CENPP: variants seen among roughly 807,000 people sequenced by gnomAD.
The protein encoded by CENPP is centromere protein P.
CENPP carries 24 observed loss-of-function variants against 35.6 expected under a neutral mutation model. The observed-to-expected ratio is 0.67, with a 90% confidence interval of 0.49 to 0.95. The LOEUF is 0.95. Ranked by LOEUF, CENPP falls within the 40% of genes least tolerant of loss-of-function variation. CENPP has a pLI of 0.00. For synonymous variants in CENPP, 120 were observed against 125.5 expected (o/e 0.96, Z 0.29); for missense variants, 332 against 345.3 (o/e 0.96, Z 0.31).
chr9:92,497,778 G>A (rs1846435252), intron 5 of CENPP, among the ~76,000 whole-genome samples: 2 of 151,472 alleles, frequency 1.3e-5, no homozygotes, highest in South Asian at 4.2e-4. Flanking sequence ...TTTGGGTCAT[G>A]GGGGGCAAGT....
At chr9:92,611,423 A>G in intron 6 of CENPP, 30 bp downstream of exon 6, 2 of 1,572,100 alleles carry the variant, frequency 1.3e-6, no homozygotes, top group Non-Finnish European at 1.7e-6. Context: ...GGGGCCTCCC[A>G]TTTCCTGTTC....
At chr9:92,491,899 A>G (rs542101724) in intron 5 of CENPP, among the ~76,000 whole-genome samples, 1 of 152,136 alleles carries the variant, frequency 6.6e-6, no homozygotes, top group African/African-American at 2.4e-5. Context: ...AATCTGGTCT[A>G]ATTCCTGGCC....
chr9:92,360,593 A>G (rs560665897), intron 4 of CENPP, among the ~76,000 whole-genome samples: 6 of 152,320 alleles, frequency 3.9e-5, no homozygotes, highest in African/African-American at 1.4e-4. Flanking sequence ...ATAAAACTCC[A>G]TTAGATAACA....
intron 5 of CENPP, among the ~76,000 whole-genome samples, chr9:92,466,097 T>C (rs1845300428): frequency 6.6e-6 from 1 of 152,094 alleles, no homozygotes; most frequent in Non-Finnish European, 1.5e-5. Context: ...CCTCCCAAAG[T>C]GTTGGGATTA....
In CENPP at chr9:92,404,570, A is replaced by T. The variant is rs1489401655; in HGVS notation, c.564+24711A>T. ...TGTCTGTGCATTAGCCCCAAGTGGG[A>T]GGGTGAATGAGAAAAGCTATGTCTT... On this transcript the variant is annotated intron_variant, in intron 5 of 7. Coordinates refer to ENST00000375587, the MANE Select transcript of CENPP (RefSeq NM_001012267.3). 4.4e-5 allele frequency: 57 copies of T among 1,293,356 alleles called. No homozygotes were observed. In the Admixed American group the frequency reaches 1.4e-3, roughly 31 times the overall value. 80.1% of individuals were successfully genotyped at this position (1,293,356 alleles called of 1,614,324 possible). A position where few individuals can be genotyped will look rare whatever the true frequency, so the allele number is the denominator to read the frequency against.
intron 5 of CENPP, among the ~76,000 whole-genome samples, chr9:92,500,465 G>C (rs60863225): frequency 0.02 from 3,086 of 151,262 alleles, 109 homozygotes; most frequent in African/African-American, 0.07. Flanking sequence ...TTACAGGCGT[G>C]AGCCACTGCA....
intron 3 of CENPP, chr9:92,341,503 C>T (rs1230629535): frequency 6.6e-6 from 1 of 152,152 alleles, no homozygotes; most frequent in Non-Finnish European, 1.5e-5. Context: ...TGTACTCTGT[C>T]CCTTTATTTC....
intron 5 of CENPP, among the ~76,000 whole-genome samples, chr9:92,498,157 A>G (rs890146264): frequency 3.9e-5 from 6 of 152,212 alleles, no homozygotes; most frequent in Non-Finnish European, 8.8e-5. Context: ...CTTTTGTGTA[A>G]TAATTTGTAT....
chr9:92,433,810 T>C (rs994818601), intron 5 of CENPP, among the ~76,000 whole-genome samples: 7 of 152,008 alleles, frequency 4.6e-5, no homozygotes, highest in African/African-American at 1.7e-4. Context: ...TGCTTGCCTG[T>C]AATCCCAGCT....
In CENPP at chr9:92,618,349, C is replaced by T. The variant is rs1410090381; in HGVS notation, c.*5200C>T. The T allele has an allele frequency of 2.2e-5, 10 of 456,568 alleles. No individual in the cohort carries two copies. Among genetic ancestry groups the T allele is most frequent in the East Asian group, 2.1e-4 (3 of 14,398 alleles). 28.3% of individuals were successfully genotyped at this position (456,568 alleles called of 1,614,324 possible). On this transcript the variant is annotated 3_prime_UTR_variant, in exon 8 of 8. Coordinates refer to ENST00000375587, the MANE Select transcript of CENPP (RefSeq NM_001012267.3). ...TGCTGAGCAGCTGGTCGTAAGGACC[C>T]GGGCCTTCAGCTTTCCCCGCATGCT... is the stretch of plus-strand genomic sequence containing the variant.
chr9:92,530,463 T>C (rs767516806), intron 5 of CENPP, among the ~76,000 whole-genome samples: 17 of 152,224 alleles, frequency 1.1e-4, no homozygotes, highest in Non-Finnish European at 2.1e-4. Flanking sequence ...AAGTAATTAA[T>C]ATTTTTTAAT....
chr9:92,450,665 C>T (rs535627067), intron 5 of CENPP, among the ~76,000 whole-genome samples: 40 of 152,200 alleles, frequency 2.6e-4, no homozygotes, highest in Admixed American at 5.9e-4. Context: ...TCTGGGGAAT[C>T]GCCACACTGA....
chr9:92,505,586 G>A (rs750655996), intron 5 of CENPP: 1 of 1,608,744 alleles, frequency 6.2e-7, no homozygotes, highest in Non-Finnish European at 8.5e-7. Context: ...TTTTTTCCCA[G>A]ACGCAAGTAG....
At chr9:92,437,533 C>G (rs1159101178) in intron 5 of CENPP, among the ~76,000 whole-genome samples, 1 of 151,132 alleles carries the variant, frequency 6.6e-6, no homozygotes, top group Non-Finnish European at 1.5e-5. Context: ...CCTCAGCTTC[C>G]CGAGTAGCTG....
chr9:92,542,623 T>C (rs1027929226), intron 5 of CENPP, among the ~76,000 whole-genome samples: 4 of 152,014 alleles, frequency 2.6e-5, no homozygotes, highest in African/African-American at 9.7e-5. Context: ...TTCAAGTAAT[T>C]CCCCTGCCTC....
intron 5 of CENPP, among the ~76,000 whole-genome samples, chr9:92,389,445 G>A (rs1842577127): frequency 6.6e-6 from 1 of 152,078 alleles, no homozygotes; most frequent in Non-Finnish European, 1.5e-5. Flanking sequence ...GTTAAATTCA[G>A]TATTTACTTT....
intron 5 of CENPP, among the ~76,000 whole-genome samples, chr9:92,487,198 G>A (rs1031442291): frequency 1.3e-5 from 2 of 152,226 alleles, no homozygotes; most frequent in African/African-American, 4.8e-5. Flanking sequence ...CCTGAGAGCA[G>A]TGAGCACATC....
chr9:92,546,134 G>T (rs1849438210), intron 5 of CENPP, among the ~76,000 whole-genome samples: 1 of 152,160 alleles, frequency 6.6e-6, no homozygotes, highest in Non-Finnish European at 1.5e-5. Context: ...CTAATCTAGT[G>T]GGGACTTGGA....
chr9:92,403,816 T>A, intron 5 of CENPP: 1 of 357,752 alleles, frequency 2.8e-6, no homozygotes, highest in Non-Finnish European at 3.9e-6. Flanking sequence ...TCATGTGAGT[T>A]AAAAATATCA....
Sources: allele counts gnomAD v4.1 joint callset (sites outside exome capture counted in the v4.1 genomes callset), GRCh38; gene constraint gnomAD v4.1.1; transcripts MANE v1.5; gene names NCBI Gene and HGNC (gene_info 2026-07-23, HGNC 2026-07-21).